Variants in TBCE observed in about 807,000 individuals in gnomAD.
TBCE encodes tubulin folding cofactor E, also known as tubulin-specific chaperone E.
Under a neutral mutation model 77.0 loss-of-function variants are expected in TBCE, and 53 were observed. That is an observed-to-expected ratio of 0.69 (90% CI 0.55 to 0.87). The LOEUF (loss-of-function observed/expected upper bound fraction) is 0.87, where lower values mean the gene tolerates loss of function less well. Among genes scored for constraint, TBCE ranks in the 40% least tolerant of loss-of-function variants. The pLI is 0.00. For missense variants in TBCE, 624 were observed against 622.4 expected, an observed-to-expected ratio of 1.00 and a Z score of -0.03; for synonymous variants, 235 against 241.3, an observed-to-expected ratio of 0.97 and a Z score of 0.24.
intron 4 of TBCE, chr1:235,415,531 A>G (rs982770048): frequency 1.3e-5 from 2 of 152,204 alleles, no homozygotes; most frequent in African/African-American, 4.8e-5. Flanking sequence ...CACTGTGAGG[A>G]TAAATTTGTG....
At chr1:235,386,286 C>A (rs9700044) in intron 2 of TBCE, among the ~76,000 whole-genome samples, 75,141 of 151,788 alleles carry the variant, frequency 0.5, 18,936 homozygotes, top group East Asian at 0.62. Flanking sequence ...CTTGGAGTTG[C>A]TCTTCTCGAG....
chr1:235,398,860 A>T (rs1678913261), intron 2 of TBCE, among the ~76,000 whole-genome samples: 1 of 151,430 alleles, frequency 6.6e-6, no homozygotes, highest in South Asian at 2.1e-4. Flanking sequence ...ACCTAGGCTG[A>T]TCTCAAATTC....
chr1:235,421,131 G>T (rs1680377170), intron 5 of TBCE, among the ~76,000 whole-genome samples: 1 of 152,186 alleles, frequency 6.6e-6, no homozygotes, highest in Non-Finnish European at 1.5e-5. Flanking sequence ...TTTTAAGGAT[G>T]GGCATGGTGG....
At chr1:235,437,243 T>C (rs1283541866) in intron 11 of TBCE, 79 bp from the exon 12 acceptor site, 28 of 1,580,998 alleles carry the variant, frequency 1.8e-5, no homozygotes, top group Non-Finnish European at 1.7e-5. Flanking sequence ...GGGACATGCT[T>C]TCCTGTTGCT....
rs544043324 is a variant in TBCE at position 235,433,242 on chromosome 1, A to G, written c.661-962A>G. On this transcript the variant is annotated intron_variant, in intron 7 of 16. Coordinates refer to ENST00000642610, the MANE Select transcript of TBCE (RefSeq NM_003193.5). ...TCATCTCAACTATTTGGTTTTTGAG[A>G]TGGAGTCTTGCTCTGTTGCCTAGGC... 6 of 1,208,086 alleles carry G rather than the reference A, an allele frequency of 5.0e-6. No homozygotes were observed. The East Asian group carries it at 1.0e-4, about 20-fold the overall frequency. 74.8% of individuals were successfully genotyped at this position (1,208,086 alleles called of 1,614,324 possible).
Position 235,450,282 on chromosome 1 carries a change from T to C in TBCE, c.*1520T>C, listed in dbSNP as rs376285999. The C allele has an allele frequency of 2.5e-6, 4 of 1,613,922 alleles. No individual in the cohort carries two copies. The highest frequency in any genetic ancestry group is 3.4e-6 in the Non-Finnish European group (4 of 1,179,792). On this transcript the variant is annotated 3_prime_UTR_variant, in exon 17 of 17. Transcript: ENST00000642610. ...CAGTTCCGTCAGTTCCCACGGAGAA[T>C]ACTGAGGAGAAGACAGCATTCCTGT...
At chr1:235,370,105 C>T (rs930145505) in intron 1 of TBCE, among the ~76,000 whole-genome samples, 1 of 152,098 alleles carries the variant, frequency 6.6e-6, no homozygotes, top group Non-Finnish European at 1.5e-5. Context: ...CCATCTTTAA[C>T]ATTTCCATTG....
chr1:235,372,922 TAAAAAAAA>T (rs71174418), intron 1 of TBCE, among the ~76,000 whole-genome samples: 2 of 76,204 alleles, frequency 2.6e-5, no homozygotes, highest in Admixed American at 3.2e-4. Context: ...AGACTCCGTC[TAAAAAAAA>T]AAAAAAAAAA....
At chr1:235,443,685 C>T (rs1463714957) in intron 15 of TBCE, among the ~76,000 whole-genome samples, 1 of 152,150 alleles carries the variant, frequency 6.6e-6, no homozygotes, top group African/African-American at 2.4e-5. Flanking sequence ...AGGTTTGTGA[C>T]TTTGCTTACA....
At chr1:235,441,568 C>T in intron 13 of TBCE, 2 of 529,894 alleles carry the variant, frequency 3.8e-6, no homozygotes, top group Non-Finnish European at 3.4e-6. Flanking sequence ...TTGAGTTTCA[C>T]TGGTCATTAA....
chr1:235,448,883 T>A lies in TBCE; in HGVS notation c.*121T>A. On this transcript the variant is annotated 3_prime_UTR_variant, in exon 17 of 17. Transcript: ENST00000642610. ...AAGGGGGTTTACAACTTGTCCTAAG[T>A]ATAACAAGGGATGTATTTTTTGTTG... 1 of 768,430 alleles carries A rather than the reference T, an allele frequency of 1.3e-6. No homozygotes were observed. The highest frequency in any genetic ancestry group is 2.2e-6 in the Non-Finnish European group (1 of 446,266). 47.6% of individuals were successfully genotyped at this position (768,430 alleles called of 1,614,324 possible).
At chr1:235,371,363 TCTTTTTTTTTTTCC>T (rs1384673819) in intron 1 of TBCE, among the ~76,000 whole-genome samples, 8 of 149,788 alleles carry the variant, frequency 5.3e-5, no homozygotes, top group African/African-American at 2.0e-4. Flanking sequence ...GCCACTCTTG[TCTTTTTTTTTTTCC>T]CTTTTTTTTT....
At chr1:235,409,368 A>G (rs1227767359) in intron 3 of TBCE, among the ~76,000 whole-genome samples, 1 of 152,172 alleles carries the variant, frequency 6.6e-6, no homozygotes, top group East Asian at 1.9e-4. Context: ...TTGGAATTTC[A>G]GTGTTTGGAT....
intron 6 of TBCE, among the ~76,000 whole-genome samples, chr1:235,427,602 A>T (rs1431640627): frequency 6.6e-6 from 1 of 152,140 alleles, no homozygotes; most frequent in East Asian, 1.9e-4. Context: ...GTGCCAGCCA[A>T]AGGGAAATTT....
chr1:235,444,704 A>G (rs7526641), intron 15 of TBCE, among the ~76,000 whole-genome samples: 28,215 of 152,262 alleles, frequency 0.19, 3,641 homozygotes, highest in African/African-American at 0.37. Context: ...CATGCCTGGC[A>G]GGCCAGGACT....
chr1:235,438,861 A>G lies in TBCE; in HGVS notation c.1209A>G (p.Glu403=). ...WKQAGGHKDP[E]KNRLSEEFLT... Reference sequence around the variant, plus strand: ...AGGCTGGTGGACATAAGGATCCGGAAAAAAACAGACTCAGCGAAGAATTCC... The same window carrying G: ...AGGCTGGTGGACATAAGGATCCGGAGAAAAACAGACTCAGCGAAGAATTCC... Residue 403 remains glutamate, a synonymous_variant, in exon 13 of 17, where the codon GAA becomes GAG. Transcript: ENST00000642610. The G allele has an allele frequency of 6.2e-7, 1 of 1,614,156 alleles. No homozygotes were observed. The highest frequency in any genetic ancestry group is 2.2e-5 in the East Asian group (1 of 44,870).
At chr1:235,433,892 T>A in intron 7 of TBCE, 1 of 341,018 alleles carries the variant, frequency 2.9e-6, no homozygotes, top group East Asian at 5.4e-5. Context: ...TTCTATCAAA[T>A]AATAATATGT....
intron 2 of TBCE, among the ~76,000 whole-genome samples, chr1:235,397,729 TGG>T (rs1678828732): frequency 1.3e-5 from 2 of 152,220 alleles, no homozygotes; most frequent in African/African-American, 2.4e-5. Context: ...TGCTAGTGTC[TGG>T]TTCAGTCTTC....
rs11464279 is a variant in TBCE at position 235,451,472 on chromosome 1, CAAAAAAAAAAAAAAAA to C, written c.*2715_*2730del. ...AGTTTCCAAAGACATGAGATGGTCA[CAAAAAAAAAAAAAAAA>C]AAAAGACCGCATCAGAAAACAAGCG... On this transcript the variant is annotated 3_prime_UTR_variant, in exon 17 of 17. Coordinates refer to ENST00000642610, the MANE Select transcript of TBCE (RefSeq NM_003193.5). 1 of 83,064 alleles carries C rather than the reference CAAAAAAAAAAAAAAAA, an allele frequency of 1.2e-5. No homozygotes were observed. Among genetic ancestry groups the C allele is most frequent in the African/African-American group, 4.7e-5 (1 of 21,224 alleles). The allele number at this position is 83,064 out of a possible 1,614,324, so 5.1% of individuals were successfully genotyped here.
Sources: gnomAD v4.1 joint callset for allele counts (sites outside exome capture counted in the v4.1 genomes callset) on GRCh38, gnomAD v4.1.1 for gene constraint, MANE v1.5 for transcripts, NCBI Gene and HGNC (gene_info 2026-07-23, HGNC 2026-07-21) for gene names.